Variants in SPIDR observed in about 807,000 individuals in gnomAD.
SPIDR encodes the protein DNA repair-scaffolding protein.
Under a neutral mutation model 104.6 loss-of-function variants are expected in SPIDR, and 93 were observed. The ratio of observed to expected loss-of-function variants is 0.89; its 90% CI spans 0.75 to 1.06. The LOEUF (loss-of-function observed/expected upper bound fraction) is 1.06. Ranked by LOEUF, SPIDR falls within the 50% of genes least tolerant of loss-of-function variation. The pLI is 0.00. For missense variants in SPIDR, 1,154 were observed against 1,111.2 expected, an observed-to-expected ratio of 1.04 and a Z score of -0.55; for synonymous variants, 431 against 416.9, an observed-to-expected ratio of 1.03 and a Z score of -0.41.
chr8:47,435,407 A>T (rs2068112429), intron 7 of SPIDR, among the ~76,000 whole-genome samples: 1 of 152,066 alleles, frequency 6.6e-6, no homozygotes, highest in Admixed American at 6.5e-5. Flanking sequence ...TAGCTGATTA[A>T]ATAACGAATT....
At chr8:47,357,457 G>A (rs143247602) in intron 5 of SPIDR, among the ~76,000 whole-genome samples, 1 of 152,330 alleles carries the variant, frequency 6.6e-6, no homozygotes, top group African/African-American at 2.4e-5. Flanking sequence ...TTAGCTCTAG[G>A]ATATCTGCCC....
At chr8:47,568,068 T>G (rs887903571) in intron 8 of SPIDR, among the ~76,000 whole-genome samples, 14 of 152,162 alleles carry the variant, frequency 9.2e-5, no homozygotes, top group Non-Finnish European at 2.1e-4. Context: ...GAGACATCAC[T>G]CCTGGCCTAT....
chr8:47,511,028 G>C (rs2082236250), intron 8 of SPIDR: 10 of 794,344 alleles, frequency 1.3e-5, no homozygotes, highest in Non-Finnish European at 2.2e-6. Flanking sequence ...AGCTGCCTGG[G>C]CAGTTAGGTT....
At chr8:47,587,410 T>C (rs543582609) in intron 8 of SPIDR, among the ~76,000 whole-genome samples, 2 of 151,930 alleles carry the variant, frequency 1.3e-5, no homozygotes, top group South Asian at 4.2e-4. Flanking sequence ...TCAAGGCCAG[T>C]CTGGCCAACA....
At chr8:47,320,470 A>C (rs1488676974) in intron 5 of SPIDR, among the ~76,000 whole-genome samples, 2 of 152,156 alleles carry the variant, frequency 1.3e-5, no homozygotes, top group African/African-American at 2.4e-5. Context: ...TTACCAAACA[A>C]AAAAAGTCCA....
intron 8 of SPIDR, among the ~76,000 whole-genome samples, chr8:47,441,380 A>G (rs1171528940): frequency 6.6e-5 from 10 of 152,164 alleles, no homozygotes; most frequent in Non-Finnish European, 1.2e-4. Flanking sequence ...CTTATATAAA[A>G]TGGGCTTAGG....
chr8:47,733,384 C>A (rs958145413), intron 19 of SPIDR, among the ~76,000 whole-genome samples: 2 of 152,068 alleles, frequency 1.3e-5, no homozygotes, highest in Non-Finnish European at 2.9e-5. Flanking sequence ...AAGACTCAGT[C>A]TCAAAAAAAG....
At chr8:47,461,824 C>CT (rs1202250948) in intron 8 of SPIDR, among the ~76,000 whole-genome samples, 7 of 150,824 alleles carry the variant, frequency 4.6e-5, no homozygotes, top group East Asian at 1.9e-4. Flanking sequence ...TTTCTTGTAT[C>CT]TTTTTTTTTA....
intron 8 of SPIDR, among the ~76,000 whole-genome samples, chr8:47,455,582 GA>G (rs1398370278): frequency 2.0e-5 from 3 of 151,926 alleles, no homozygotes; most frequent in African/African-American, 7.3e-5. Context: ...GCAATTGGTA[GA>G]AAAGATAAAA....
intron 8 of SPIDR, among the ~76,000 whole-genome samples, chr8:47,451,946 G>C (rs2071844734): frequency 6.6e-6 from 1 of 152,192 alleles, no homozygotes; most frequent in African/African-American, 2.4e-5. Context: ...AACCAGGATT[G>C]TGGAGCTAGG....
At chr8:47,662,068 C>G (rs754392507) in intron 10 of SPIDR, among the ~76,000 whole-genome samples, 2 of 152,324 alleles carry the variant, frequency 1.3e-5, no homozygotes, top group Non-Finnish European at 2.9e-5. Flanking sequence ...CTTCACTCTC[C>G]ACACCTACTC....
intron 7 of SPIDR, 154 bp downstream of exon 7, chr8:47,408,115 A>G (rs1350342619): frequency 7.4e-6 from 3 of 402,886 alleles, no homozygotes; most frequent in African/African-American, 2.1e-5. Context: ...AAAACTATAT[A>G]TAGTAAATAT....
chr8:47,710,209 A>G, intron 14 of SPIDR, among the ~76,000 whole-genome samples: 1 of 152,196 alleles, frequency 6.6e-6, no homozygotes, highest in Middle Eastern at 3.4e-3. Flanking sequence ...GTGTAGTGGT[A>G]GTACTGCTTT....
intron 11 of SPIDR, among the ~76,000 whole-genome samples, chr8:47,678,038 C>CA (rs532756664): frequency 3.0e-3 from 320 of 107,740 alleles, no homozygotes; most frequent in Middle Eastern, 0.011. Flanking sequence ...ACCTCCACCT[C>CA]AAAAAAAAAA....
chr8:47,285,390 T>C (rs1343015300), intron 3 of SPIDR, among the ~76,000 whole-genome samples: 1 of 152,230 alleles, frequency 6.6e-6, no homozygotes, highest in Non-Finnish European at 1.5e-5. Context: ...AATCTTCTGA[T>C]GGAATTGCAG....
intron 5 of SPIDR, among the ~76,000 whole-genome samples, chr8:47,384,491 G>A (rs782335896): frequency 6.6e-6 from 1 of 152,206 alleles, no homozygotes; most frequent in Non-Finnish European, 1.5e-5. Flanking sequence ...TCCGCAGGCT[G>A]TAGTGCCCTT....
intron 8 of SPIDR, among the ~76,000 whole-genome samples, chr8:47,471,539 G>T (rs1304953678): frequency 6.6e-6 from 1 of 152,038 alleles, no homozygotes; most frequent in Non-Finnish European, 1.5e-5. Flanking sequence ...CAAAGAAATT[G>T]GAATGCTTTT....
At chr8:47,387,493 C>A (rs2060093965) in intron 5 of SPIDR, among the ~76,000 whole-genome samples, 1 of 152,116 alleles carries the variant, frequency 6.6e-6, no homozygotes, top group Non-Finnish European at 1.5e-5. Flanking sequence ...GAAGGGGGCA[C>A]ATCCTTGTTA....
intron 5 of SPIDR, among the ~76,000 whole-genome samples, chr8:47,394,457 T>TC (rs1397744153): frequency 6.6e-6 from 1 of 152,200 alleles, no homozygotes; most frequent in Non-Finnish European, 1.5e-5. Flanking sequence ...GGTTCTCAAC[T>TC]GGGGGTGATT....
Sources: allele counts gnomAD v4.1 joint callset (sites outside exome capture counted in the v4.1 genomes callset), GRCh38; gene constraint gnomAD v4.1.1; transcripts MANE v1.5; gene names NCBI Gene and HGNC (gene_info 2026-07-23, HGNC 2026-07-21).